CLIP1: variants seen among roughly 807,000 people sequenced by gnomAD.
CLIP1 encodes CAP-Gly domain containing linker protein 1, also known as CAP-Gly domain-containing linker protein 1.
CLIP1 carries 66 observed loss-of-function variants against 161.6 expected under a neutral mutation model. The ratio of observed to expected loss-of-function variants is 0.41; its 90% CI spans 0.33 to 0.50. The LOEUF is 0.50. Ranked by LOEUF, CLIP1 falls within the 20% of genes least tolerant of loss-of-function variation. CLIP1 has a pLI of 0.27. For missense variants in CLIP1, 1,376 were observed against 1,702.0 expected, an observed-to-expected ratio of 0.81 and a Z score of 3.37; for synonymous variants, 598 against 626.2, an observed-to-expected ratio of 0.96 and a Z score of 0.67.
intron 5 of CLIP1, among the ~76,000 whole-genome samples, chr12:122,357,572 C>T (rs1319135197): frequency 6.8e-6 from 1 of 147,280 alleles, no homozygotes; most frequent in Non-Finnish European, 1.5e-5. Flanking sequence ...GGGTCAGCCC[C>T]CCCCGCCCGG....
chr12:122,395,598 C>A (rs554019531), intron 1 of CLIP1: 1 of 152,240 alleles, frequency 6.6e-6, no homozygotes, highest in South Asian at 2.1e-4. Context: ...AAGAAATTAT[C>A]CTCCCATCTG....
At chr12:122,390,302 ATG>A (rs1555280699) in intron 1 of CLIP1, among the ~76,000 whole-genome samples, 39 of 111,882 alleles carry the variant, frequency 3.5e-4, no homozygotes, top group African/African-American at 1.0e-3. Flanking sequence ...ATATATATAT[ATG>A]TATATATATA....
At chr12:122,315,079 A>T (rs192586185) in intron 19 of CLIP1, among the ~76,000 whole-genome samples, 1 of 152,210 alleles carries the variant, frequency 6.6e-6, no homozygotes, top group Admixed American at 6.5e-5. Context: ...AGCAGCTCAG[A>T]TCACTCCCAG....
intron 10 of CLIP1, 40 bp downstream of exon 10, chr12:122,347,335 C>T (rs749979525): frequency 1.4e-5 from 20 of 1,433,880 alleles, no homozygotes; most frequent in Middle Eastern, 3.5e-4. Context: ...CCACCCTTCA[C>T]ATGCATGGGT....
Position 122,319,231 on chromosome 12 carries a change from C to A in CLIP1, c.3366+1G>T, listed in dbSNP as rs1261169405. 6.3e-7 allele frequency: 1 copy of A among 1,589,034 alleles called. No individual in the cohort carries two copies. The highest frequency in any genetic ancestry group is 8.6e-7 in the Non-Finnish European group (1 of 1,157,298). ...ATAAAAAGCTATTTAAATCTGATTACTTCATTCTGTAGTTTTGCATTTGTT... is the reference window on the plus strand; with the variant it reads ...ATAAAAAGCTATTTAAATCTGATTAATTCATTCTGTAGTTTTGCATTTGTT... On this transcript the variant is annotated splice_donor_variant, in intron 18 of 25. Transcript: ENST00000620786. LOFTEE classifies it high-confidence loss of function.
intron 20 of CLIP1, among the ~76,000 whole-genome samples, chr12:122,305,709 A>G (rs1054754747): frequency 1.3e-5 from 2 of 152,118 alleles, no homozygotes; most frequent in African/African-American, 4.8e-5. Flanking sequence ...GTGGGCTGAG[A>G]AAGGCTGCCC....
Position 122,319,299 on chromosome 12 carries a change from T to C in CLIP1, c.3299A>G (p.Lys1100Arg). The change falls in exon 18 of 26, where the codon AAA (lysine) becomes AGA (arginine). Residue 1100 changes from lysine to arginine, a missense_variant. Lys to Arg is a conservative substitution (Grantham distance 26). Transcript: ENST00000620786. ...GGAGGCCAGAGTCTCAGTCTTCTCTTTGGTCATCTGTTCCATTATCTGCAT... is the reference window on the plus strand; with the variant it reads ...GGAGGCCAGAGTCTCAGTCTTCTCTCTGGTCATCTGTTCCATTATCTGCAT... ...DAMQIMEQMT[K>R]EKTETLASLE... 1 of 1,614,200 alleles carries C rather than the reference T, an allele frequency of 6.2e-7. No homozygotes were observed.
At chr12:122,342,674 T>C (rs1354541251) in intron 10 of CLIP1, 1 of 151,652 alleles carries the variant, frequency 6.6e-6, no homozygotes, top group Non-Finnish European at 1.5e-5. Flanking sequence ...TTGCAAAAAA[T>C]AAAAAATTAG....
chr12:122,394,083 G>A (rs1018201145), intron 1 of CLIP1, among the ~76,000 whole-genome samples: 1 of 152,068 alleles, frequency 6.6e-6, no homozygotes, highest in African/African-American at 2.4e-5. Flanking sequence ...CTTTATGGGT[G>A]CAAAGCAATA....
At chr12:122,283,453 TTTC>T (rs983559214) in intron 21 of CLIP1, among the ~76,000 whole-genome samples, 1 of 151,314 alleles carries the variant, frequency 6.6e-6, no homozygotes, top group Non-Finnish European at 1.5e-5. Flanking sequence ...TTTTTCTTTC[TTTC>T]TTTTCTTTTT....
intron 11 of CLIP1, among the ~76,000 whole-genome samples, chr12:122,337,900 A>C (rs1261031077): frequency 6.6e-6 from 1 of 151,780 alleles, no homozygotes; most frequent in Non-Finnish European, 1.5e-5. Flanking sequence ...CTGTAGTCCC[A>C]GCTACTCAGG....
At chr12:122,337,833 G>A (rs1952306960) in intron 11 of CLIP1, among the ~76,000 whole-genome samples, 1 of 151,718 alleles carries the variant, frequency 6.6e-6, no homozygotes, top group Non-Finnish European at 1.5e-5. Flanking sequence ...GGCCAACATG[G>A]TGAAACCCCA....
chr12:122,297,667 C>G (rs146975089), intron 20 of CLIP1, among the ~76,000 whole-genome samples: 14 of 152,144 alleles, frequency 9.2e-5, no homozygotes, highest in South Asian at 2.1e-4. Context: ...AAATTCTAGT[C>G]TCGCCTCCCA....
At chr12:122,346,829 G>C (rs1272436134) in intron 10 of CLIP1, among the ~76,000 whole-genome samples, 2 of 152,152 alleles carry the variant, frequency 1.3e-5, no homozygotes, top group Non-Finnish European at 2.9e-5. Flanking sequence ...TCCCCCGAGC[G>C]ACAGGAAGGA....
intron 3 of CLIP1, among the ~76,000 whole-genome samples, chr12:122,366,222 A>G (rs1954159964): frequency 6.7e-6 from 1 of 149,254 alleles, no homozygotes; most frequent in Non-Finnish European, 1.5e-5. Flanking sequence ...CACAAGAATA[A>G]CTTGCACCCG....
intron 1 of CLIP1, among the ~76,000 whole-genome samples, chr12:122,385,574 G>C (rs894504144): frequency 2.0e-5 from 3 of 152,180 alleles, no homozygotes; most frequent in African/African-American, 7.2e-5. Context: ...GAACTCAGAG[G>C]CCTGAGTATT....
chr12:122,342,878 TTAA>T (rs113564553), intron 10 of CLIP1: 5 of 151,352 alleles, frequency 3.3e-5, no homozygotes, highest in African/African-American at 9.7e-5. Context: ...TTAAAATATC[TTAA>T]TAATTTTATT....
chr12:122,277,994 T>C, intron 24 of CLIP1, 160 bp downstream of exon 24: 2 of 692,342 alleles, frequency 2.9e-6, no homozygotes, highest in Non-Finnish European at 5.0e-6. Flanking sequence ...ATTTAATGTA[T>C]ATATTTTTAA....
chr12:122,357,883 C>G (rs1325537832), intron 5 of CLIP1, among the ~76,000 whole-genome samples: 1 of 151,860 alleles, frequency 6.6e-6, no homozygotes, highest in Non-Finnish European at 1.5e-5. Context: ...GCTCGGCCGC[C>G]CCTACTGGGA....
Sources: allele counts gnomAD v4.1 joint callset (sites outside exome capture counted in the v4.1 genomes callset), GRCh38; gene constraint gnomAD v4.1.1; transcripts MANE v1.5; gene names NCBI Gene and HGNC (gene_info 2026-07-23, HGNC 2026-07-21).